FOXP2: variants seen among roughly 807,000 people sequenced by gnomAD.
The protein encoded by FOXP2 is forkhead box P2.
In FOXP2, 12 loss-of-function variants were observed where a neutral mutation model predicts 115.8. The ratio of observed to expected loss-of-function variants is 0.10; its 90% CI spans 0.07 to 0.17. The LOEUF is 0.17. Among genes scored for constraint, FOXP2 ranks in the 10% least tolerant of loss-of-function variants. FOXP2 has a pLI of 1.00. For missense variants in FOXP2, 629 were observed against 843.5 expected (o/e 0.75, Z 3.15); for synonymous variants, 328 against 297.7 (o/e 1.10, Z -1.05).
chr7:114,662,280 T>TA, intron 14 of FOXP2, 94 bp downstream of exon 14: 1 of 1,530,440 alleles, frequency 6.5e-7, no homozygotes, highest in Non-Finnish European at 9.0e-7. Flanking sequence ...ACAGTTAGCT[T>TA]AATGGCATGC....
At position 114,658,158 on chromosome 7, in the gene FOXP2, A is replaced by C. The variant is rs1210268974; in HGVS notation, c.1359A>C (p.Pro453=). 3.1e-6 allele frequency: 5 copies of C among 1,613,772 alleles called. No homozygotes were observed. Among genetic ancestry groups the C allele is most frequent in the Non-Finnish European group, 4.2e-6 (5 of 1,179,880 alleles). Residue 453 remains proline (P), a synonymous_variant, in exon 11 of 17, where the codon CCA becomes CCC. Transcript: ENST00000350908. Reference sequence around the variant, plus strand: ...AAACCCCTACCACACCAACGGCCCCAGTCACCCCGATTACCCAGGGACCCT... The same window carrying C: ...AAACCCCTACCACACCAACGGCCCCCGTCACCCCGATTACCCAGGGACCCT... The part of the protein sequence containing the change: ...LPQTPTTPTA[P]VTPITQGPSV...
chr7:114,360,083 A>G (rs1791709429), intron 2 of FOXP2, among the ~76,000 whole-genome samples: 1 of 152,076 alleles, frequency 6.6e-6, no homozygotes, highest in Admixed American at 6.5e-5. Flanking sequence ...GTGGGAGGTA[A>G]TTGAATTACA....
intron 2 of FOXP2, among the ~76,000 whole-genome samples, chr7:114,288,881 A>G (rs1422322550): frequency 2.0e-5 from 3 of 151,946 alleles, no homozygotes; most frequent in South Asian, 2.1e-4. Flanking sequence ...AGTAGTTTAT[A>G]TCATTTCTTT....
At chr7:114,563,429 C>T (rs1269684312) in intron 3 of FOXP2, among the ~76,000 whole-genome samples, 1 of 152,132 alleles carries the variant, frequency 6.6e-6, no homozygotes, top group Non-Finnish European at 1.5e-5. Context: ...ACTTTTATAT[C>T]AGTGGTCCAA....
rs559662702 is a variant in FOXP2, at chr7:114,363,727, T to C, written c.-10-62775T>C. 3.9e-5 allele frequency among the ~76,000 whole-genome samples: 6 copies of C among 152,258 alleles called. No individual in the cohort carries two copies. The East Asian group carries it at 9.7e-4, about 25-fold the overall frequency. On this transcript the variant is annotated intron_variant, in intron 2 of 17. Transcript: ENST00000634411. ...ACGTGATCTTTTAAAACATGCTAGA[T>C]AAAGATGCTTGTAATGTTATCCTAA... is the stretch of plus-strand genomic sequence containing the variant.
At chr7:114,139,377 C>T (rs541714088) in intron 1 of FOXP2, among the ~76,000 whole-genome samples, 5 of 152,102 alleles carry the variant, frequency 3.3e-5, no homozygotes, top group Non-Finnish European at 7.4e-5. Context: ...GGTTCAACTT[C>T]TGCCCAGATC....
intron 1 of FOXP2, among the ~76,000 whole-genome samples, chr7:114,156,200 TC>T (rs1387720995): frequency 1.3e-5 from 2 of 152,196 alleles, no homozygotes; most frequent in Non-Finnish European, 2.9e-5. Flanking sequence ...GACTGCCTTT[TC>T]CTGGTGCTGT....
intron 1 of FOXP2, among the ~76,000 whole-genome samples, chr7:114,270,874 A>G (rs905856594): frequency 6.6e-6 from 1 of 152,096 alleles, no homozygotes; most frequent in Admixed American, 6.6e-5. Flanking sequence ...TATCTAAAAA[A>G]TCATCACTAT....
At chr7:114,689,226 C>A (rs1173649718) in intron 16 of FOXP2, among the ~76,000 whole-genome samples, 1 of 151,976 alleles carries the variant, frequency 6.6e-6, no homozygotes, top group African/African-American at 2.4e-5. Flanking sequence ...ATAGTACTGG[C>A]ATCCTGGTAA....
chr7:114,617,158 G>A (rs1490410142), intron 3 of FOXP2, among the ~76,000 whole-genome samples: 1 of 152,146 alleles, frequency 6.6e-6, no homozygotes, highest in African/African-American at 2.4e-5. Flanking sequence ...ATATTCTACA[G>A]GACCCTTAAA....
intron 1 of FOXP2, among the ~76,000 whole-genome samples, chr7:114,133,740 T>C (rs1791953401): frequency 6.6e-6 from 1 of 152,214 alleles, no homozygotes; most frequent in Non-Finnish European, 1.5e-5. Context: ...TCTCTCATGA[T>C]ACTGTATTAT....
chr7:114,488,620 TG>T (rs1247349819), intron 2 of FOXP2, among the ~76,000 whole-genome samples: 2 of 152,052 alleles, frequency 1.3e-5, no homozygotes, highest in Middle Eastern at 3.2e-3. Flanking sequence ...AGTGAAAAAA[TG>T]GCCATAGTTA....
intron 3 of FOXP2, among the ~76,000 whole-genome samples, chr7:114,552,724 A>G (rs1800271005): frequency 6.6e-6 from 1 of 152,130 alleles, no homozygotes; most frequent in Non-Finnish European, 1.5e-5. Context: ...ACATACCCCT[A>G]TGACATGCCA....
intron 1 of FOXP2, among the ~76,000 whole-genome samples, chr7:114,179,959 T>C (rs1464454078): frequency 6.6e-6 from 1 of 151,938 alleles, no homozygotes; most frequent in Non-Finnish European, 1.5e-5. Flanking sequence ...CTTGGACCAG[T>C]CTCCTTTTCT....
Position 114,678,547 on chromosome 7 carries a change from C to CTTTTTTTTT in FOXP2, c.2004-11217_2004-11209dup, listed in dbSNP as rs35525759. On this transcript the variant is annotated intron_variant, in intron 16 of 16. Transcript: ENST00000350908. ...TACTTCTCTCCGGAAATAAGTGACT[C>CTTTTTTTTT]TTTTTTTTTTTTTTTTTTTTTTTTT... is the stretch of plus-strand genomic sequence containing the variant. Among the ~76,000 whole-genome samples, 65 of 48,414 alleles carry CTTTTTTTTT rather than the reference C, an allele frequency of 1.3e-3. 15 individuals are homozygous for CTTTTTTTTT. The highest frequency in any genetic ancestry group is 2.3e-3 in the Non-Finnish European group (58 of 25,166). The allele number at this position is 48,414 out of a possible 152,430, so 31.8% of individuals were successfully genotyped here. A position where few individuals can be genotyped will look rare whatever the true frequency, so the allele number is the denominator to read the frequency against.
At chr7:114,489,717 AG>A (rs751299374) in intron 2 of FOXP2, among the ~76,000 whole-genome samples, 30 of 152,186 alleles carry the variant, frequency 2.0e-4, no homozygotes, top group Non-Finnish European at 3.7e-4. Flanking sequence ...CACCAGGTGG[AG>A]GTTAAAGTTG....
In FOXP2 at chr7:114,631,711, T is replaced by C. The variant is rs1328826103; in HGVS notation, c.775+6T>C. On this transcript the variant is annotated splice_donor_region_variant and intron_variant, in intron 6 of 16. Coordinates refer to ENST00000350908, the MANE Select transcript of FOXP2 (RefSeq NM_014491.4). Reference sequence around the variant, plus strand: ...TGTCCAATCGCTGCCTCAAGGTACATACAAAATGTTGTGCACTCTTCATTT... The same window carrying C: ...TGTCCAATCGCTGCCTCAAGGTACACACAAAATGTTGTGCACTCTTCATTT... The C allele has an allele frequency of 2.5e-6, 4 of 1,613,802 alleles. No homozygotes were observed. Among genetic ancestry groups the C allele is most frequent in the Non-Finnish European group, 3.4e-6 (4 of 1,179,786 alleles).
chr7:114,297,926 A>G (rs1391008381), intron 2 of FOXP2, among the ~76,000 whole-genome samples: 1 of 152,166 alleles, frequency 6.6e-6, no homozygotes, highest in Admixed American at 6.5e-5. Context: ...CAGTGCCGTT[A>G]TATTGTATAC....
intron 2 of FOXP2, chr7:114,499,314 A>C (rs542932491): frequency 1.2e-5 from 2 of 164,546 alleles, no homozygotes; most frequent in African/African-American, 2.4e-5. Flanking sequence ...TGATAGCCTC[A>C]TAACTCTACC....
Sources: allele counts gnomAD v4.1 joint callset (sites outside exome capture counted in the v4.1 genomes callset), GRCh38; gene constraint gnomAD v4.1.1; transcripts MANE v1.5; gene names NCBI Gene and HGNC (gene_info 2026-07-23, HGNC 2026-07-21).